The following RDH11 variants were observed in gnomAD, a reference collection of about 807,000 sequenced individuals.
RDH11 encodes retinol dehydrogenase 11.
A neutral mutation model predicts 33.4 loss-of-function variants in RDH11; 19 were observed. The ratio of observed to expected loss-of-function variants is 0.57; its 90% CI spans 0.40 to 0.83. The LOEUF (loss-of-function observed/expected upper bound fraction) is 0.83. RDH11 is among the 40% of genes least tolerant of loss of function. The pLI, the probability that RDH11 is intolerant of heterozygous loss-of-function variation, is 0.00. For missense variants in RDH11, 353 were observed against 389.0 expected, an observed-to-expected ratio of 0.91 and a Z score of 0.78; for synonymous variants, 154 against 155.3, an observed-to-expected ratio of 0.99 and a Z score of 0.06.
intron 1 of RDH11, among the ~76,000 whole-genome samples, chr14:67,695,216 G>A (rs1352478681): frequency 1.3e-5 from 2 of 152,186 alleles, no homozygotes; most frequent in Non-Finnish European, 2.9e-5. Context: ...AGTTTCAGAG[G>A]GCGAAATGTG....
chr14:67,685,258 A>G (rs1353187544), intron 5 of RDH11, 54 bp from the exon 6 acceptor site: 2 of 1,442,946 alleles, frequency 1.4e-6, no homozygotes, highest in Non-Finnish European at 1.9e-6. Context: ...TTTGCAGAAT[A>G]GCCCAAAACA....
Position 67,690,351 on chromosome 14 carries a change from C to T in RDH11, c.525G>A (p.Val175=). 1 of 1,614,134 alleles carries T rather than the reference C, an allele frequency of 6.2e-7. No individual in the cohort carries two copies. Among genetic ancestry groups the T allele is most frequent in the Non-Finnish European group, 8.5e-7 (1 of 1,180,008 alleles). The part of the protein sequence containing the change: ...KESAPSRIVN[V]SSLAHHLGRI... ...TTCCCAGGTGATGTGCGAGGGAAGA[C>T]ACATTTACTATCCTTGATGGGGCTG... The change falls in exon 5 of 7, where the codon GTG becomes GTA. Residue 175 remains valine, a synonymous_variant. Transcript: ENST00000381346.
chr14:67,680,037 G>T (rs543167314), intron 6 of RDH11, among the ~76,000 whole-genome samples: 6 of 152,170 alleles, frequency 3.9e-5, no homozygotes, highest in Non-Finnish European at 8.8e-5. Context: ...CCAGCAGCAG[G>T]AGCATCAACT....
Position 67,692,568 on chromosome 14 carries a change from C to T in RDH11, c.219G>A (p.Arg73=), listed in dbSNP as rs1286371685. Residue 73 remains arginine (R), a synonymous_variant, in exon 3 of 7, where the codon CGG becomes CGA. Transcript: ENST00000381346. Reference sequence around the variant, plus strand: ...CCACCAATTCCCCCTTTTCCACATCCCGGCAAGCTAAATATACTCGAGCTC... The same window carrying T: ...CCACCAATTCCCCCTTTTCCACATCTCGGCAAGCTAAATATACTCGAGCTC... ...QRGARVYLAC[R]DVEKGELVAK... is the part of the protein sequence containing the mutation. 6.2e-6 allele frequency: 10 copies of T among 1,601,656 alleles called. No individual in the cohort carries two copies. The highest frequency in any genetic ancestry group is 8.5e-6 in the Non-Finnish European group (10 of 1,174,906).
intron 5 of RDH11, among the ~76,000 whole-genome samples, chr14:67,686,727 T>C (rs2037684010): frequency 6.6e-6 from 1 of 151,950 alleles, no homozygotes; most frequent in Admixed American, 6.6e-5. Flanking sequence ...CAATCCTTTA[T>C]GGAAAACGCT....
chr14:67,679,041 T>C (rs1388912561), intron 6 of RDH11, among the ~76,000 whole-genome samples: 1 of 152,142 alleles, frequency 6.6e-6, no homozygotes, highest in African/African-American at 2.4e-5. Flanking sequence ...ATAATGAGCA[T>C]ACAGAAACTG....
chr14:67,687,538 C>A (rs2037695644), intron 5 of RDH11, among the ~76,000 whole-genome samples: 1 of 136,918 alleles, frequency 7.3e-6, no homozygotes, highest in Admixed American at 8.3e-5. Context: ...ATGGTATGAT[C>A]TCAGCTCACC....
intron 1 of RDH11, among the ~76,000 whole-genome samples, chr14:67,695,023 C>T (rs937289639): frequency 6.6e-6 from 1 of 152,204 alleles, no homozygotes; most frequent in African/African-American, 2.4e-5. Context: ...CCAGCCCTCA[C>T]CGCCCCAGTA....
chr14:67,693,980 T>C (rs2037789727), intron 1 of RDH11, among the ~76,000 whole-genome samples: 1 of 152,156 alleles, frequency 6.6e-6, no homozygotes, highest in Non-Finnish European at 1.5e-5. Flanking sequence ...TACTATACTA[T>C]ATTGCCTTTT....
chr14:67,694,070 T>TTAAAACAATCTG (rs1484126544), intron 1 of RDH11, among the ~76,000 whole-genome samples: 1 of 152,198 alleles, frequency 6.6e-6, no homozygotes, highest in Non-Finnish European at 1.5e-5. Flanking sequence ...GGGACTCTGG[T>TTAAAACAATCTG]TAAAACAATC....
rs993055016 is a variant in RDH11, at chr14:67,692,575, G to A, written c.212C>T (p.Ala71Val). ...LAQRGARVYL[A>V]CRDVEKGELV... The stretch of plus-strand genomic sequence containing the variant: ...TTCCCCCTTTTCCACATCCCGGCAA[G>A]CTAAATATACTCGAGCTCCTGTCAG... Residue 71 changes from alanine (A) to valine (V), a missense_variant, in exon 3 of 7, where the codon GCT (alanine) becomes GTT (valine). Transcript: ENST00000381346. 1.9e-6 allele frequency: 3 copies of A among 1,595,446 alleles called. No individual in the cohort carries two copies. Among genetic ancestry groups the A allele is most frequent in the Non-Finnish European group, 2.6e-6 (3 of 1,172,174 alleles).
chr14:67,679,075 A>G (rs1378455643), intron 6 of RDH11, among the ~76,000 whole-genome samples: 1 of 152,236 alleles, frequency 6.6e-6, no homozygotes, highest in African/African-American at 2.4e-5. Context: ...GAAGCTGAGA[A>G]GTCCAAGATC....
Position 67,685,005 on chromosome 14 carries a change from A to G in RDH11, c.854+10T>C. The G allele has an allele frequency of 6.3e-7, 1 of 1,596,700 alleles. No homozygotes were observed. Among genetic ancestry groups the G allele is most frequent in the Non-Finnish European group, 8.5e-7 (1 of 1,172,154 alleles). On this transcript the variant is annotated intron_variant, in intron 6 of 6. Coordinates refer to ENST00000381346, the MANE Select transcript of RDH11 (RefSeq NM_016026.4). ...TAAATCTCATCTGCAAAAAGAGATA[A>G]CATTCATACCTGAAATGATTCCCAC... is the stretch of plus-strand genomic sequence containing the variant.
At position 67,690,222 on chromosome 14, in the gene RDH11, C is replaced by G; in HGVS notation, c.654G>C (p.Arg218=). Residue 218 remains arginine, a synonymous_variant, in exon 5 of 7, where the codon CGG becomes CGC. Transcript: ENST00000381346. ...TTCCTCTAGGCCCACCTTTTAGTCTCCGGGCCAGTTCCTGGGTGAAGAGGA... is the reference window on the plus strand; with the variant it reads ...TTCCTCTAGGCCCACCTTTTAGTCTGCGGGCCAGTTCCTGGGTGAAGAGGA... The part of the protein sequence containing the change: ...ANILFTQELA[R]RLKGSGVTTY... 6.2e-7 allele frequency: 1 copy of G among 1,613,190 alleles called. No homozygotes were observed. Among genetic ancestry groups the G allele is most frequent in the Non-Finnish European group, 8.5e-7 (1 of 1,179,880 alleles).
In RDH11 at chr14:67,690,111, G is replaced by T. The variant is rs934701045; in HGVS notation, c.664+101C>A. 9 of 974,636 alleles carry T rather than the reference G, an allele frequency of 9.2e-6. No homozygotes were observed. In the Admixed American group the frequency reaches 1.0e-4, roughly 11 times the overall value. 60.4% of individuals were successfully genotyped at this position (974,636 alleles called of 1,614,324 possible). On this transcript the variant is annotated intron_variant, in intron 5 of 6. Transcript: ENST00000381346. ...TACCCAATTATAGCCACGGAAGCAGGTCCTCTCCAGGTGATGGGCTCTGGA... is the reference window on the plus strand; with the variant it reads ...TACCCAATTATAGCCACGGAAGCAGTTCCTCTCCAGGTGATGGGCTCTGGA...
At position 67,692,430 on chromosome 14, in the gene RDH11, A is replaced by C; in HGVS notation, c.349+8T>G. ...CCCACAACATAGTCTCTCTAGTTCT[A>C]CACTTACCAGCTAAGAAGCCCTTAG... On this transcript the variant is annotated splice_region_variant and intron_variant, in intron 3 of 6. Coordinates refer to ENST00000381346, the MANE Select transcript of RDH11 (RefSeq NM_016026.4). The C allele has an allele frequency of 6.2e-7, 1 of 1,614,106 alleles. No homozygotes were observed. The highest frequency in any genetic ancestry group is 8.5e-7 in the Non-Finnish European group (1 of 1,179,984).
chr14:67,694,475 T>TAC (rs1169866920), intron 1 of RDH11, among the ~76,000 whole-genome samples: 12 of 131,010 alleles, frequency 9.2e-5, no homozygotes, highest in East Asian at 2.1e-4. Context: ...CATATATATA[T>TAC]ATACACACAC....
At chr14:67,688,996 C>T (rs550341193) in intron 5 of RDH11, among the ~76,000 whole-genome samples, 1 of 152,272 alleles carries the variant, frequency 6.6e-6, no homozygotes, top group East Asian at 1.9e-4. Flanking sequence ...TTTTACTGCA[C>T]CATAATGATT....
Position 67,690,275 on chromosome 14 carries a change from C to T in RDH11, c.601G>A (p.Ala201Thr). Reference sequence around the variant, plus strand: ...TTGGCTAGCTTGCTGTGACAGTAGGCCAGGCCTGCATTGTAGAATTTCTCG... The same window carrying T: ...TTGGCTAGCTTGCTGTGACAGTAGGTCAGGCCTGCATTGTAGAATTTCTCG... ...QGEKFYNAGL[A>T]YCHSKLANIL... is the part of the protein sequence containing the mutation. The change falls in exon 5 of 7, where the codon GCC (alanine) becomes ACC (threonine). Residue 201 changes from alanine (A) to threonine (T), a missense_variant. Transcript: ENST00000381346. 2 of 1,614,112 alleles carry T rather than the reference C, an allele frequency of 1.2e-6. No individual in the cohort carries two copies. The highest frequency in any genetic ancestry group is 1.7e-6 in the Non-Finnish European group (2 of 1,180,034).
Sources: gnomAD v4.1 joint callset for allele counts (sites outside exome capture counted in the v4.1 genomes callset) on GRCh38, gnomAD v4.1.1 for gene constraint, MANE v1.5 for transcripts, NCBI Gene and HGNC (gene_info 2026-07-23, HGNC 2026-07-21) for gene names.